LTV1: variants seen among roughly 807,000 people sequenced by gnomAD.
The protein encoded by LTV1 is protein LTV1 homolog.
In LTV1, 39 loss-of-function variants were observed where a neutral mutation model predicts 59.9. That is an observed-to-expected ratio of 0.65 (90% CI 0.50 to 0.85). The LOEUF (loss-of-function observed/expected upper bound fraction) is 0.85, where lower values mean the gene tolerates loss of function less well. Among genes scored for constraint, LTV1 ranks in the 40% least tolerant of loss-of-function variants. The pLI is 0.00. For synonymous variants in LTV1, 171 were observed against 189.5 expected, an observed-to-expected ratio of 0.90 and a Z score of 0.80; for missense variants, 493 against 549.1, an observed-to-expected ratio of 0.90 and a Z score of 1.02.
chr6:143,861,637 T>A (rs1398612044), intron 7 of LTV1, among the ~76,000 whole-genome samples: 1 of 152,168 alleles, frequency 6.6e-6, no homozygotes, highest in African/African-American at 2.4e-5. Flanking sequence ...ACCAGCCAGT[T>A]ATTTTGGCAA....
At chr6:143,861,570 T>A (rs1002988934) in intron 7 of LTV1, among the ~76,000 whole-genome samples, 18 of 152,180 alleles carry the variant, frequency 1.2e-4, no homozygotes, top group African/African-American at 4.1e-4. Flanking sequence ...GAGAAGTAGG[T>A]ATTTACATCT....
Position 143,855,982 on chromosome 6 carries a change from T to C in LTV1, c.398-1321T>C, listed in dbSNP as rs1263178658. ...CCTGAATTTGAATGTTGGCCTCTCT[T>C]GCTAGGTTGGGTAAGTTCTCCTGGA... On this transcript the variant is annotated intron_variant, in intron 4 of 10. Coordinates refer to ENST00000367576, the MANE Select transcript of LTV1 (RefSeq NM_032860.5). This position sits in a 1 kb window ranked among gnomAD's most constrained non-coding sequence, Gnocchi z 4.6. 1.3e-5 allele frequency among the ~76,000 whole-genome samples: 2 copies of C among 152,004 alleles called. No individual in the cohort carries two copies. The highest frequency in any genetic ancestry group is 4.8e-5 in the African/African-American group (2 of 41,332).
intron 4 of LTV1, among the ~76,000 whole-genome samples, chr6:143,854,497 T>C (rs946269370): frequency 2.0e-5 from 3 of 152,062 alleles, no homozygotes; most frequent in Non-Finnish European, 2.9e-5. Flanking sequence ...GGTTTTGAAT[T>C]TGTTTGCTCT....
At position 143,855,656 on chromosome 6, in the gene LTV1, A is replaced by G. The variant is rs575631260; in HGVS notation, c.398-1647A>G. Among the ~76,000 whole-genome samples the G allele has an allele frequency of 8.2e-4, 125 of 152,196 alleles. No homozygotes were observed. The highest frequency in any genetic ancestry group is 1.6e-3 in the Non-Finnish European group (107 of 68,038). On this transcript the variant is annotated intron_variant, in intron 4 of 10. Transcript: ENST00000367576. The surrounding 1 kb of genome is among the most constrained non-coding windows in gnomAD (Gnocchi z 4.6). Reference sequence around the variant, plus strand: ...AGGCCTGGTGGTGACAAAATCTCTCAGCATTTGCTTATCTGGAAAGGATTT... The same window carrying G: ...AGGCCTGGTGGTGACAAAATCTCTCGGCATTTGCTTATCTGGAAAGGATTT...
chr6:143,856,278 C>T (rs907949978), intron 4 of LTV1, among the ~76,000 whole-genome samples: 10 of 152,292 alleles, frequency 6.6e-5, no homozygotes, highest in Non-Finnish European at 1.5e-4. Context: ...TGTTTTTCAG[C>T]TCCATCAGGT....
chr6:143,863,807 C>T lies in LTV1; in HGVS notation c.*280C>T, dbSNP rs116515049. 2,280 of 245,992 alleles carry T rather than the reference C, an allele frequency of 9.3e-3. 61 individuals are homozygous for T. The highest frequency in any genetic ancestry group is 0.048 in the African/African-American group (2,144 of 44,674). The allele number at this position is 245,992 out of a possible 1,614,324, so 15.2% of individuals were successfully genotyped here. ...AAATTAAAGGAAAATATCTTCATAA[C>T]GTGAATGGAATTGGTGTATTCATTT... On this transcript the variant is annotated 3_prime_UTR_variant, in exon 11 of 11. Coordinates refer to ENST00000367576, the MANE Select transcript of LTV1 (RefSeq NM_032860.5). This position sits in a 1 kb window ranked among gnomAD's most constrained non-coding sequence, Gnocchi z 4.5.
At chr6:143,847,114 C>T (rs367555951) in intron 3 of LTV1, among the ~76,000 whole-genome samples, 58 of 152,350 alleles carry the variant, frequency 3.8e-4, no homozygotes, top group African/African-American at 1.3e-3. Context: ...TGCTCGTTCA[C>T]TAAGTAGGTT....
At chr6:143,860,646 A>G (rs1777147239) in intron 7 of LTV1, 93 bp downstream of exon 7, 1 of 1,114,296 alleles carries the variant, frequency 9.0e-7, no homozygotes, top group African/African-American at 1.6e-5. Context: ...GAATTGAGGA[A>G]AAAATTAACC....
In LTV1 at chr6:143,846,242, T is replaced by C; in HGVS notation, c.309+18T>C. On this transcript the variant is annotated intron_variant, in intron 3 of 10. Coordinates refer to ENST00000367576, the MANE Select transcript of LTV1 (RefSeq NM_032860.5). ...TAATTCCAGTAAGGCTTTTCAGCAA[T>C]TTAATTGTGGGAGTGAGGTGAAGAA... 1 of 1,601,236 alleles carries C rather than the reference T, an allele frequency of 6.2e-7. No homozygotes were observed. Among genetic ancestry groups the C allele is most frequent in the Middle Eastern group, 1.7e-4 (1 of 6,000 alleles).
rs755043792 is a variant in LTV1, at chr6:143,863,295, T to C, written c.1317+9T>C. 1.2e-6 allele frequency: 2 copies of C among 1,611,232 alleles called. No homozygotes were observed. The highest frequency in any genetic ancestry group is 1.7e-6 in the Non-Finnish European group (2 of 1,178,948). ...TAAAAGAAGAGCGCAAGGTAAAATA[T>C]ATTTTTCAAATGTGAGATTTACAAA... On this transcript the variant is annotated intron_variant, in intron 10 of 10. Coordinates refer to ENST00000367576, the MANE Select transcript of LTV1 (RefSeq NM_032860.5). The surrounding 1 kb of genome is among the most constrained non-coding windows in gnomAD (Gnocchi z 4.5).
intron 7 of LTV1, 75 bp downstream of exon 7, chr6:143,860,628 G>A: frequency 7.7e-7 from 1 of 1,306,290 alleles, no homozygotes; most frequent in Non-Finnish European, 1.0e-6. Flanking sequence ...AAGGTCTATA[G>A]TATAACTGAA....
At position 143,863,059 on chromosome 6, in the gene LTV1, T is replaced by C; in HGVS notation, c.1117-27T>C. On this transcript the variant is annotated intron_variant, in intron 9 of 10. Transcript: ENST00000367576. The surrounding 1 kb of genome is among the most constrained non-coding windows in gnomAD (Gnocchi z 4.5). ...TTTTTTAATAGGAATGAGAAGTAAC[T>C]CTAGTACCATTTTATCTGTATTTCA... 2 of 1,582,978 alleles carry C rather than the reference T, an allele frequency of 1.3e-6. No individual in the cohort carries two copies. The highest frequency in any genetic ancestry group is 1.7e-4 in the Middle Eastern group (1 of 5,976).
chr6:143,857,876 A>C lies in LTV1; in HGVS notation c.664A>C (p.Thr222Pro), dbSNP rs777830890. The C allele has an allele frequency of 1.2e-6, 2 of 1,613,784 alleles. No individual in the cohort carries two copies. Among genetic ancestry groups the C allele is most frequent in the African/African-American group, 2.7e-5 (2 of 74,816 alleles). Residue 222 changes from threonine to proline, a missense_variant, in exon 6 of 11, where the codon ACT becomes CCT. By Grantham distance (38) the Thr-to-Pro change is conservative. Coordinates refer to ENST00000367576, the MANE Select transcript of LTV1 (RefSeq NM_032860.5). The surrounding 1 kb of genome is among the most constrained non-coding windows in gnomAD (Gnocchi z 5.2). ...AGACTGTATGTCTGTGCCCGGAAAA[A>C]CTCACAGAGCTATAGCAGATCACTT... ...DEDCMSVPGKTHRAIADHLFW... is the reference protein window; with the variant it reads ...DEDCMSVPGKPHRAIADHLFW...
At chr6:143,859,706 A>G (rs1746869480) in intron 6 of LTV1, among the ~76,000 whole-genome samples, 1 of 152,216 alleles carries the variant, frequency 6.6e-6, no homozygotes, top group Non-Finnish European at 1.5e-5. Context: ...TGTCAACACC[A>G]TTTGCATAAT....
intron 2 of LTV1, among the ~76,000 whole-genome samples, chr6:143,845,707 T>C (rs1776879491): frequency 6.6e-6 from 1 of 152,176 alleles, no homozygotes; most frequent in African/African-American, 2.4e-5. Context: ...ACCCTCCAAA[T>C]AGATGATAAA....
At position 143,848,933 on chromosome 6, in the gene LTV1, A is replaced by G. The variant is rs137876019; in HGVS notation, c.310-1198A>G. ...CAAGTAAAGTGTTTTGCATTATTAC[A>G]TGACTGAGGAATGAACTTGATTTGC... is the stretch of plus-strand genomic sequence containing the variant. On this transcript the variant is annotated intron_variant, in intron 3 of 10. Coordinates refer to ENST00000367576, the MANE Select transcript of LTV1 (RefSeq NM_032860.5). Among the ~76,000 whole-genome samples the G allele has an allele frequency of 2.3e-3, 358 of 152,344 alleles. 2 individuals carry two copies. Among genetic ancestry groups the G allele is most frequent in the African/African-American group, 8.2e-3 (342 of 41,564 alleles).
Position 143,862,249 on chromosome 6 carries a change from T to C in LTV1, c.1063+6T>C. 1 of 1,610,376 alleles carries C rather than the reference T, an allele frequency of 6.2e-7. No individual in the cohort carries two copies. The highest frequency in any genetic ancestry group is 1.7e-5 in the Admixed American group (1 of 59,930). On this transcript the variant is annotated splice_donor_region_variant and intron_variant, in intron 8 of 10. Coordinates refer to ENST00000367576, the MANE Select transcript of LTV1 (RefSeq NM_032860.5). This position sits in a 1 kb window ranked among gnomAD's most constrained non-coding sequence, Gnocchi z 4.2. ...GGATTGTGAATCTATTTGTAGTAAG[T>C]ATATTCACTTTATGATAGTAATTTT...
rs940494483 is a variant in LTV1, at chr6:143,855,018, G to T, written c.398-2285G>T. 2.6e-5 allele frequency among the ~76,000 whole-genome samples: 4 copies of T among 152,096 alleles called. No individual in the cohort carries two copies. Among genetic ancestry groups the T allele is most frequent in the Admixed American group, 2.6e-4 (4 of 15,248 alleles). ...AAGATCCTTGTGAATTTTCTGTCTC[G>T]TTGATCTGTCTAATATTGACAGTGG... On this transcript the variant is annotated intron_variant, in intron 4 of 10. Transcript: ENST00000367576. The surrounding 1 kb of genome is among the most constrained non-coding windows in gnomAD (Gnocchi z 4.6).
intron 3 of LTV1, among the ~76,000 whole-genome samples, chr6:143,847,885 C>T (rs372382666): frequency 2.0e-5 from 3 of 152,050 alleles, no homozygotes; most frequent in African/African-American, 7.3e-5. Flanking sequence ...CCACCAAATT[C>T]GAGTAGATTA....
Sources: allele counts gnomAD v4.1 joint callset (sites outside exome capture counted in the v4.1 genomes callset), GRCh38; gene constraint gnomAD v4.1.1; non-coding constraint Gnocchi (gnomAD v3.1); transcripts MANE v1.5; gene names NCBI Gene and HGNC (gene_info 2026-07-23, HGNC 2026-07-21).